Variants in BTBD9 observed in about 807,000 individuals in gnomAD.
BTBD9 encodes BTB domain containing 9.
BTBD9 carries 49 observed loss-of-function variants against 64.3 expected under a neutral mutation model. The observed-to-expected ratio is 0.76, with a 90% CI of 0.61 to 0.97. The LOEUF is 0.97. Among genes scored for constraint, BTBD9 ranks in the 50% least tolerant of loss-of-function variants. BTBD9 has a pLI of 0.00. For missense variants in BTBD9, 598 were observed against 762.1 expected, an observed-to-expected ratio of 0.78 and a Z score of 2.53; for synonymous variants, 260 against 274.7, an observed-to-expected ratio of 0.95 and a Z score of 0.53.
At chr6:38,350,478 T>C (rs1764457970) in intron 6 of BTBD9, among the ~76,000 whole-genome samples, 1 of 152,214 alleles carries the variant, frequency 6.6e-6, no homozygotes. Flanking sequence ...GCCTTAGTTA[T>C]GTGATCACCT....
chr6:38,351,662 G>A (rs1250357137), intron 6 of BTBD9, among the ~76,000 whole-genome samples: 6 of 151,688 alleles, frequency 4.0e-5, no homozygotes, highest in Non-Finnish European at 7.4e-5. Flanking sequence ...CTACCACGCC[G>A]GCTACTTTTT....
At chr6:38,455,480 T>G (rs568051528) in intron 6 of BTBD9, among the ~76,000 whole-genome samples, 1 of 152,362 alleles carries the variant, frequency 6.6e-6, no homozygotes, top group East Asian at 1.9e-4. Flanking sequence ...TCATTTTGCC[T>G]TTTATAGAAT....
chr6:38,370,978 A>G (rs910119939), intron 6 of BTBD9, among the ~76,000 whole-genome samples: 1 of 152,182 alleles, frequency 6.6e-6, no homozygotes, highest in Non-Finnish European at 1.5e-5. Flanking sequence ...GCTCTCACCT[A>G]AAAGGACCTT....
At chr6:38,624,478 C>G (rs1463289064) in intron 1 of BTBD9, among the ~76,000 whole-genome samples, 2 of 152,134 alleles carry the variant, frequency 1.3e-5, no homozygotes, top group Non-Finnish European at 2.9e-5. Flanking sequence ...GGAACCAACT[C>G]TGGACACAGG....
At chr6:38,207,049 T>C (rs1582050390) in intron 9 of BTBD9, among the ~76,000 whole-genome samples, 1 of 152,338 alleles carries the variant, frequency 6.6e-6, no homozygotes, top group East Asian at 1.9e-4. Flanking sequence ...CTTTAATTTA[T>C]GATGTGTTTG....
chr6:38,594,201 A>T lies in BTBD9; in HGVS notation c.312T>A (p.Asp104Glu). 2 of 1,614,148 alleles carry T rather than the reference A, an allele frequency of 1.2e-6. No homozygotes were observed. The highest frequency in any genetic ancestry group is 2.2e-5 in the East Asian group (1 of 44,882). The change falls in exon 3 of 11, where the codon GAT (aspartate) becomes GAA (glutamate). Residue 104 changes from aspartate to glutamate, a missense_variant. Physicochemically the swap from Asp to Glu is conservative, Grantham distance 45. Coordinates refer to ENST00000481247, the MANE Select transcript of BTBD9 (RefSeq NM_001099272.2). The part of the protein sequence containing the change: ...YIYTGRATLT[D>E]EKEEVLLDFL... ...AGTCCAGCAGCACCTCCTCCTTCTC[A>T]TCTGTCAGCGTTGCCCGCCCAGTGT...
intron 6 of BTBD9, among the ~76,000 whole-genome samples, chr6:38,356,727 C>CT (rs1257755059): frequency 3.9e-5 from 6 of 152,236 alleles, no homozygotes; most frequent in African/African-American, 7.2e-5. Flanking sequence ...GGCTCATAGA[C>CT]TTTTAGCTTC....
intron 9 of BTBD9, among the ~76,000 whole-genome samples, chr6:38,220,972 A>G (rs1582070883): frequency 1.3e-5 from 2 of 152,242 alleles, no homozygotes; most frequent in South Asian, 2.1e-4. Flanking sequence ...TAAACAGGCC[A>G]CTGATTATGA....
intron 6 of BTBD9, among the ~76,000 whole-genome samples, chr6:38,440,744 T>G (rs1768990609): frequency 6.6e-6 from 1 of 152,210 alleles, no homozygotes; most frequent in Non-Finnish European, 1.5e-5. Flanking sequence ...AATGTCTACT[T>G]TATAATGCAT....
chr6:38,572,050 C>T (rs1287455021), intron 6 of BTBD9, among the ~76,000 whole-genome samples: 2 of 151,740 alleles, frequency 1.3e-5, no homozygotes. Flanking sequence ...TTCATCTCAG[C>T]TTAAAACACC....
chr6:38,611,288 C>A (rs760215973), intron 1 of BTBD9, among the ~76,000 whole-genome samples: 1 of 152,080 alleles, frequency 6.6e-6, no homozygotes, highest in Non-Finnish European at 1.5e-5. Context: ...TAGGGAATGA[C>A]TGGGAAGTTT....
At chr6:38,469,494 G>C (rs914844310) in intron 6 of BTBD9, among the ~76,000 whole-genome samples, 2 of 151,988 alleles carry the variant, frequency 1.3e-5, no homozygotes, top group South Asian at 4.2e-4. Context: ...TAATTTTTTT[G>C]TATTTTTAGT....
intron 7 of BTBD9, among the ~76,000 whole-genome samples, chr6:38,330,708 C>T (rs530981934): frequency 4.7e-4 from 72 of 152,130 alleles, no homozygotes; most frequent in African/African-American, 1.7e-3. Flanking sequence ...GACGAAGATG[C>T]TGTGATTTAA....
intron 1 of BTBD9, among the ~76,000 whole-genome samples, chr6:38,639,420 AC>A (rs1778646487): frequency 6.6e-6 from 1 of 151,696 alleles, no homozygotes; most frequent in Non-Finnish European, 1.5e-5. Context: ...AACTTTCCAA[AC>A]CCCCACCCCG....
intron 8 of BTBD9, 102 bp downstream of exon 8, chr6:38,288,170 G>A (rs1030459350): frequency 6.6e-6 from 8 of 1,217,390 alleles, no homozygotes; most frequent in Non-Finnish European, 9.3e-6. Context: ...AAGAACAGTA[G>A]AATTTCTTCA....
intron 9 of BTBD9, among the ~76,000 whole-genome samples, chr6:38,210,753 A>C (rs1300005256): frequency 2.6e-5 from 4 of 152,242 alleles, no homozygotes; most frequent in Non-Finnish European, 5.9e-5. Context: ...TCTTTTGAAG[A>C]GATGTGTTCT....
intron 9 of BTBD9, among the ~76,000 whole-genome samples, chr6:38,230,189 G>T (rs115987283): frequency 6.6e-6 from 1 of 152,176 alleles, no homozygotes; most frequent in Non-Finnish European, 1.5e-5. Context: ...CAACCAGAAT[G>T]AACTTTAAAA....
intron 6 of BTBD9, chr6:38,504,487 C>T (rs1562271691): frequency 4.4e-6 from 2 of 455,772 alleles, no homozygotes; most frequent in African/African-American, 2.0e-5. Flanking sequence ...ACCACATCTC[C>T]TCTTACCTTT....
chr6:38,222,546 A>G (rs1763248827), intron 9 of BTBD9, among the ~76,000 whole-genome samples: 1 of 152,038 alleles, frequency 6.6e-6, no homozygotes, highest in Admixed American at 6.6e-5. Context: ...GGCATGAACC[A>G]CTGCGCCAGA....
Sources: allele counts gnomAD v4.1 joint callset (sites outside exome capture counted in the v4.1 genomes callset), GRCh38; gene constraint gnomAD v4.1.1; transcripts MANE v1.5; gene names NCBI Gene and HGNC (gene_info 2026-07-23, HGNC 2026-07-21).